Variants in NAALADL1 observed in about 807,000 individuals in gnomAD.
The protein encoded by NAALADL1 is aminopeptidase NAALADL1.
In NAALADL1, 77 loss-of-function variants were observed where a neutral mutation model predicts 82.8. The ratio of observed to expected loss-of-function variants is 0.93; its 90% CI spans 0.77 to 1.12. NAALADL1 has a LOEUF of 1.12. Among genes scored for constraint, NAALADL1 ranks in the 50% most tolerant of loss-of-function variants. The pLI is 0.00. For synonymous variants in NAALADL1, 358 were observed against 399.2 expected (o/e 0.90, Z 1.23); for missense variants, 956 against 964.0 (o/e 0.99, Z 0.11).
At chr11:65,047,339 GT>G (rs78064452) in intron 13 of NAALADL1, 135 bp downstream of exon 13, 45 of 657,284 alleles carry the variant, frequency 6.8e-5, no homozygotes, top group Middle Eastern at 4.3e-4. Context: ...GTGTGTGTGT[GT>G]TTTTTTTTAA....
chr11:65,053,346 A>G lies in NAALADL1; in HGVS notation c.1079-9T>C. The stretch of plus-strand genomic sequence containing the variant: ...ATACAGCACGTAGCGATCTGGCCAG[A>G]GGAAAAGGGGCAGAGAACCAGAGGA... On this transcript the variant is annotated splice_polypyrimidine_tract_variant and intron_variant, in intron 7 of 17. Transcript: ENST00000358658. This position sits in a 1 kb window ranked among gnomAD's most constrained non-coding sequence, Gnocchi z 4.3. 1 of 1,591,620 alleles carries G rather than the reference A, an allele frequency of 6.3e-7. No individual in the cohort carries two copies. The highest frequency in any genetic ancestry group is 1.7e-4 in the Middle Eastern group (1 of 6,004).
rs1256297493 is a variant in NAALADL1, at chr11:65,046,260, G to A, written c.1784C>T (p.Thr595Ile). 6.2e-7 allele frequency: 1 copy of A among 1,614,048 alleles called. No individual in the cohort carries two copies. Among genetic ancestry groups the A allele is most frequent in the African/African-American group, 1.3e-5 (1 of 74,932 alleles). Residue 595 changes from threonine (T) to isoleucine (I), a missense_variant, in exon 15 of 18, where the codon ACA becomes ATA. Thr to Ile is a moderately conservative substitution (Grantham distance 89). Coordinates refer to ENST00000358658, the MANE Select transcript of NAALADL1 (RefSeq NM_005468.3). ...GGCTGCCTGCAGGAAGCTGCGGAGT[G>A]TCTCACTGTAGTCACTGACTTTGAG... is the stretch of plus-strand genomic sequence containing the variant. ...LPLKVSDYSE[T>I]LRSFLQAAQQ...
At chr11:65,058,832 C>T (rs890758932), upstream of NAALADL1, among the ~76,000 whole-genome samples, 1 of 152,292 alleles carries the variant, frequency 6.6e-6, no homozygotes, top group Middle Eastern at 3.4e-3. Flanking sequence ...ACTCAGAGCT[C>T]CTGTGTTCAC....
At chr11:65,049,177 C>T (rs990451058) in intron 8 of NAALADL1, among the ~76,000 whole-genome samples, 2 of 152,128 alleles carry the variant, frequency 1.3e-5, no homozygotes, top group Non-Finnish European at 2.9e-5. Context: ...CACACCACCG[C>T]GCCTGGCTGA....
upstream of NAALADL1, among the ~76,000 whole-genome samples, chr11:65,060,293 G>T (rs183203937): frequency 1.3e-5 from 2 of 152,252 alleles, no homozygotes; most frequent in Admixed American, 1.3e-4. Flanking sequence ...GGCTGGGAAG[G>T]GATGTCATGT....
rs1214843954 is a variant in NAALADL1 at position 65,046,008 on chromosome 11, G to GC, written c.1943+18dup. 1 of 1,612,772 alleles carries GC rather than the reference G, an allele frequency of 6.2e-7. No individual in the cohort carries two copies. Among genetic ancestry groups the GC allele is most frequent in the Non-Finnish European group, 8.5e-7 (1 of 1,179,568 alleles). On this transcript the variant is annotated intron_variant, in intron 16 of 17. Transcript: ENST00000358658. ...CCTGGGTGCTGCCCTCCCAGCCCCT[G>GC]CCCGCTGCCCTTGCTCACTCAGGGC...
At chr11:65,056,305 C>T (rs1947038278) in intron 4 of NAALADL1, among the ~76,000 whole-genome samples, 1 of 152,194 alleles carries the variant, frequency 6.6e-6, no homozygotes, top group Non-Finnish European at 1.5e-5. Flanking sequence ...CTCTAGAACT[C>T]TTCATCTGAC....
intron 11 of NAALADL1, 71 bp from the exon 12 acceptor site, chr11:65,047,809 C>A (rs921654915): frequency 2.7e-6 from 4 of 1,502,290 alleles, no homozygotes; most frequent in East Asian, 2.4e-5. Flanking sequence ...GGTTCTCCAC[C>A]GGTCTCCTGC....
intron 8 of NAALADL1, among the ~76,000 whole-genome samples, chr11:65,052,285 GC>G (rs1247578342): frequency 6.6e-6 from 1 of 150,642 alleles, no homozygotes; most frequent in Admixed American, 6.6e-5. Flanking sequence ...CGTCTGCCTG[GC>G]CCCCCTATGT....
intron 8 of NAALADL1, 58 bp from the exon 9 acceptor site, chr11:65,048,443 A>G (rs1946801244): frequency 6.3e-7 from 1 of 1,594,988 alleles, no homozygotes; most frequent in South Asian, 1.1e-5. Flanking sequence ...AGGGTGCCTT[A>G]GGAGAAAGGC....
Position 65,058,449 on chromosome 11 carries a change from G to A in NAALADL1, c.73C>T (p.His25Tyr). The change falls in exon 1 of 18, where the codon CAC (histidine) becomes TAC (tyrosine). Residue 25 changes from histidine (H) to tyrosine (Y), a missense_variant. Transcript: ENST00000358658. ...TTGGCTTTTTTGGGGATGGCAAAGT[G>A]GCCGAGGATGATCCCCAGCCCCAAG... ...ALLGLGIILG[H>Y]FAIPKKANSL... 6.2e-7 allele frequency: 1 copy of A among 1,613,938 alleles called. No individual in the cohort carries two copies. The highest frequency in any genetic ancestry group is 1.3e-5 in the African/African-American group (1 of 75,020).
rs752840810 is a variant in NAALADL1, at chr11:65,054,514, G to A, written c.828C>T (p.Ser276=). The A allele has an allele frequency of 4.4e-5, 71 of 1,613,922 alleles. No homozygotes were observed. Among genetic ancestry groups the A allele is most frequent in the Admixed American group, 6.7e-5 (4 of 59,984 alleles). ...SSFRVDLANV[S]GFPPIPTQPI... ...GCTGTGTAGGAATTGGGGGAAATCC[G>A]GAGACATTGGCAAGGTCCACGCGGA... Residue 276 remains serine (S), a synonymous_variant, in exon 5 of 18, where the codon TCC becomes TCT. Transcript: ENST00000358658. This position sits in a 1 kb window ranked among gnomAD's most constrained non-coding sequence, Gnocchi z 4.3.
At chr11:65,059,017 C>CTT (rs564684197), upstream of NAALADL1, among the ~76,000 whole-genome samples, 1 of 147,166 alleles carries the variant, frequency 6.8e-6, no homozygotes, top group African/African-American at 2.5e-5. Context: ...CACCTGTTTT[C>CTT]TTTTTTTTTT....
In NAALADL1 at chr11:65,051,315, C is replaced by CTTTTTTTTTTT. The variant is rs10535126; in HGVS notation, c.1198+1892_1198+1902dup. ...AAGTCTCTCTCTCCTTTCTTTCTTTCTTTTTTTTTTTTTTTTTTTTTTTTT... is the reference window on the plus strand; with the variant it reads ...AAGTCTCTCTCTCCTTTCTTTCTTTCTTTTTTTTTTTTTTTTTTTTTTTTTTTTTTTTTTTT... On this transcript the variant is annotated intron_variant, in intron 8 of 17. Transcript: ENST00000358658. Among the ~76,000 whole-genome samples, 14 of 59,572 alleles carry CTTTTTTTTTTT rather than the reference C, an allele frequency of 2.4e-4. 2 individuals carry two copies. The highest frequency in any genetic ancestry group is 7.7e-4 in the African/African-American group (12 of 15,598). The allele number at this position is 59,572 out of a possible 152,430, so 39.1% of individuals were successfully genotyped here.
chr11:65,046,282 T>C lies in NAALADL1; in HGVS notation c.1762A>G (p.Lys588Glu). 6.2e-7 allele frequency: 1 copy of C among 1,614,172 alleles called. No homozygotes were observed. The highest frequency in any genetic ancestry group is 8.5e-7 in the Non-Finnish European group (1 of 1,180,034). The part of the protein sequence containing the change: ...RLSDSFFLPL[K>E]VSDYSETLRS... ...AGTGTCTCACTGTAGTCACTGACTT[T>C]GAGGGGCAGGAAGAAGCTGTCACTG... Residue 588 changes from lysine (K) to glutamate (E), a missense_variant, in exon 15 of 18, where the codon AAA (lysine) becomes GAA (glutamate). Physicochemically the swap from Lys to Glu is moderately conservative, Grantham distance 56. Transcript: ENST00000358658.
rs374859078 is a variant in NAALADL1 at position 65,058,257 on chromosome 11, G to A, written c.186-7C>T. On this transcript the variant is annotated splice_region_variant and splice_polypyrimidine_tract_variant and intron_variant, in intron 1 of 17. Coordinates refer to ENST00000358658, the MANE Select transcript of NAALADL1 (RefSeq NM_005468.3). ...TGGCTCCCTGGAGAGTTCTCTGCAG[G>A]GTGGGCAGAGGGAGGGGCAGGGCCA... is the stretch of plus-strand genomic sequence containing the variant. The A allele has an allele frequency of 1.6e-5, 26 of 1,613,626 alleles. 1 individual carries two copies. The African/African-American group carries it at 3.5e-4, about 22-fold the overall frequency.
In NAALADL1 at chr11:65,048,152, C is replaced by A. The variant is rs1253320349; in HGVS notation, c.1348G>T (p.Ala450Ser). 1.2e-6 allele frequency: 2 copies of A among 1,614,016 alleles called. No homozygotes were observed. Among genetic ancestry groups the A allele is most frequent in the Admixed American group, 3.3e-5 (2 of 59,994 alleles). The change falls in exon 10 of 18, where the codon GCC becomes TCC. Residue 450 changes from alanine to serine, a missense_variant and splice_region_variant. Coordinates refer to ENST00000358658, the MANE Select transcript of NAALADL1 (RefSeq NM_005468.3). ...AYINVDISVF[A>S]NATLRVQGTP... is the part of the protein sequence containing the mutation. The stretch of plus-strand genomic sequence containing the variant: ...CTTTCCTGCCCCACCACCCACATAC[C>A]AAACACCGAGATGTCCACGTTGATG...
Position 65,054,362 on chromosome 11 carries a change from G to A in NAALADL1, c.888-8C>T, listed in dbSNP as rs770870341. On this transcript the variant is annotated splice_polypyrimidine_tract_variant and splice_region_variant and intron_variant, in intron 5 of 17. Coordinates refer to ENST00000358658, the MANE Select transcript of NAALADL1 (RefSeq NM_005468.3). This position sits in a 1 kb window ranked among gnomAD's most constrained non-coding sequence, Gnocchi z 4.3. ...AAAGTTCCGTTGAGGTTACTGGGGAGGAGGAAGAGGCCCTTCAGGGTAAAT... is the reference window on the plus strand; with the variant it reads ...AAAGTTCCGTTGAGGTTACTGGGGAAGAGGAAGAGGCCCTTCAGGGTAAAT... 1.9e-6 allele frequency: 3 copies of A among 1,613,796 alleles called. No individual in the cohort carries two copies. In the South Asian group the frequency reaches 3.3e-5, roughly 18 times the overall value.
chr11:65,055,454 C>T (rs1947012380), intron 4 of NAALADL1, among the ~76,000 whole-genome samples: 1 of 151,978 alleles, frequency 6.6e-6, no homozygotes, highest in Non-Finnish European at 1.5e-5. Context: ...CCCCAACAAA[C>T]AAACAAACAA....
Sources: gnomAD v4.1 joint callset for allele counts (sites outside exome capture counted in the v4.1 genomes callset) on GRCh38, gnomAD v4.1.1 for gene constraint, Gnocchi (gnomAD v3.1) non-coding constraint, MANE v1.5 for transcripts, NCBI Gene and HGNC (gene_info 2026-07-23, HGNC 2026-07-21) for gene names.